Variants in SMUG1 observed in about 807,000 individuals in gnomAD.
SMUG1 encodes single-strand selective monofunctional uracil DNA glycosylase.
A neutral mutation model predicts 23.9 loss-of-function variants in SMUG1; 13 were observed. That is an observed-to-expected ratio of 0.54 (90% CI 0.35 to 0.86). SMUG1 has a LOEUF of 0.86. SMUG1 is among the 40% of genes least tolerant of loss of function. The pLI is 0.01. For synonymous variants in SMUG1, 133 were observed against 139.8 expected, an observed-to-expected ratio of 0.95 and a Z score of 0.34; for missense variants, 313 against 339.5, an observed-to-expected ratio of 0.92 and a Z score of 0.61.
At chr12:54,186,386 A>T (rs1309682798) in intron 2 of SMUG1, among the ~76,000 whole-genome samples, 2 of 150,204 alleles carry the variant, frequency 1.3e-5, no homozygotes, top group African/African-American at 4.9e-5. Context: ...TCTGTCGCCC[A>T]GACTGGAGTG....
At chr12:54,177,953 T>C (rs926888698), downstream of SMUG1, among the ~76,000 whole-genome samples, 1 of 152,210 alleles carries the variant, frequency 6.6e-6, no homozygotes, top group Non-Finnish European at 1.5e-5. Flanking sequence ...AATATGACTA[T>C]ATTGGATATA....
chr12:54,185,034 C>T (rs1173377221), intron 2 of SMUG1, among the ~76,000 whole-genome samples: 2 of 152,032 alleles, frequency 1.3e-5, no homozygotes, highest in Non-Finnish European at 2.9e-5. Flanking sequence ...GCATGCTGGG[C>T]GTGGTGGCTC....
chr12:54,166,066 T>A (rs1940451514), intron 3 of SMUG1, among the ~76,000 whole-genome samples: 1 of 152,190 alleles, frequency 6.6e-6, no homozygotes, highest in South Asian at 2.1e-4. Flanking sequence ...GTGAGGAATA[T>A]AAAAGTTGGA....
At chr12:54,162,992 T>C (rs1940321939), downstream of SMUG1, 2 of 152,234 alleles carry the variant, frequency 1.3e-5, no homozygotes, top group Admixed American at 1.3e-4. Context: ...GCTAGGAGGC[T>C]GCACAGCAGA....
In SMUG1 at chr12:54,180,727, A is replaced by G. The variant is rs1940943750; in HGVS notation, c.*1369T>C. On this transcript the variant is annotated 3_prime_UTR_variant, in exon 4 of 4. Transcript: ENST00000682136. ...AGGCAATTGGAGATCTGCTACATCC[A>G]GCCAGGCAGCAGCACTTTGGGAGGC... is the stretch of plus-strand genomic sequence containing the variant. 6.6e-6 allele frequency: 1 copy of G among 152,280 alleles called. No individual in the cohort carries two copies. Among genetic ancestry groups the G allele is most frequent in the African/African-American group, 2.4e-5 (1 of 41,456 alleles). The allele number at this position is 152,280 out of a possible 1,614,324, so 9.4% of individuals were successfully genotyped here.
At chr12:54,184,055 C>G (rs981879879) in intron 2 of SMUG1, 96 bp from the exon 3 acceptor site, 1 of 1,055,720 alleles carries the variant, frequency 9.5e-7, no homozygotes, top group Non-Finnish European at 1.3e-6. Flanking sequence ...TTCCTGGGCT[C>G]AGAAGGGACC....
chr12:54,185,525 TA>T (rs1942241870), intron 2 of SMUG1, among the ~76,000 whole-genome samples: 1 of 59,854 alleles, frequency 1.7e-5, no homozygotes, highest in Non-Finnish European at 4.0e-5. Flanking sequence ...AATAAATAAA[TA>T]AATTTGCCGG....
intron 2 of SMUG1, chr12:54,172,156 T>C (rs1188404831): frequency 2.3e-6 from 1 of 441,502 alleles, no homozygotes. Context: ...CTTGAAACCC[T>C]GCAGTGACTT....
rs186456062 is a variant in SMUG1 at position 54,169,770 on chromosome 12, G to A, written c.*52+2255C>T. Among the ~76,000 whole-genome samples the A allele has an allele frequency of 2.9e-3, 436 of 152,216 alleles. 2 individuals carry two copies. Among genetic ancestry groups the A allele is most frequent in the Admixed American group, 5.5e-3 (84 of 15,302 alleles). ...ATTCTGCATGCTGTGAGTAAAATCA[G>A]GTACTCAGTAAAATCAGGTAATAGT... On this transcript the variant is annotated intron_variant and NMD_transcript_variant, in intron 3 of 4. Coordinates refer to the SMUG1 transcript ENST00000509864.
chr12:54,160,685 GC>G (rs1278529002), downstream of SMUG1, among the ~76,000 whole-genome samples: 1 of 152,154 alleles, frequency 6.6e-6, no homozygotes, highest in Admixed American at 6.5e-5. Context: ...CCTGGCCCCT[GC>G]CCCCCAAGGC....
At chr12:54,173,457 A>G (rs1940675035) in intron 2 of SMUG1, among the ~76,000 whole-genome samples, 1 of 152,078 alleles carries the variant, frequency 6.6e-6, no homozygotes, top group Admixed American at 6.5e-5. Flanking sequence ...GGGCGGGCGC[A>G]GCAGAGCGGG....
chr12:54,182,650 G>T, intron 3 of SMUG1, 27 bp from the exon 4 acceptor site: 1 of 1,580,968 alleles, frequency 6.3e-7, no homozygotes, highest in South Asian at 1.2e-5. Flanking sequence ...AGACATGAAA[G>T]GCTTCAAACT....
downstream of SMUG1, among the ~76,000 whole-genome samples, chr12:54,178,787 C>T (rs1940813679): frequency 6.6e-6 from 1 of 152,176 alleles, no homozygotes; most frequent in Admixed American, 6.5e-5. Flanking sequence ...TAAATATTAA[C>T]TGTCAACTTG....
At chr12:54,165,878 C>A (rs567613073) in intron 3 of SMUG1, among the ~76,000 whole-genome samples, 3 of 152,282 alleles carry the variant, frequency 2.0e-5, no homozygotes, top group South Asian at 2.1e-4. Flanking sequence ...GCCTCTTCGC[C>A]TACACCAGAA....
chr12:54,160,052 G>C (rs567375419), downstream of SMUG1, among the ~76,000 whole-genome samples: 4 of 152,190 alleles, frequency 2.6e-5, no homozygotes, highest in African/African-American at 9.7e-5. Context: ...TTCTGACCCA[G>C]AGAGGGGAGC....
downstream of SMUG1, among the ~76,000 whole-genome samples, chr12:54,178,943 A>G (rs2136559026): frequency 6.6e-6 from 1 of 152,318 alleles, no homozygotes; most frequent in South Asian, 2.1e-4. Context: ...GGGCGGCTAG[A>G]AAAAGCGGGC....
At chr12:54,158,930 T>C (rs1413517741) in intron 4 of SMUG1, among the ~76,000 whole-genome samples, 1 of 152,240 alleles carries the variant, frequency 6.6e-6, no homozygotes, top group East Asian at 1.9e-4. Context: ...ATATTTAACC[T>C]GAATCTTGCC....
At chr12:54,176,515 CA>C (rs1491114006), downstream of SMUG1, among the ~76,000 whole-genome samples, 4 of 92,336 alleles carry the variant, frequency 4.3e-5, no homozygotes, top group Admixed American at 1.1e-4. Context: ...TGTCCCCCCC[CA>C]AAAAAAAAGG....
Position 54,181,348 on chromosome 12 carries a change from CA to C in SMUG1, c.*747del. 1 of 589,588 alleles carries C rather than the reference CA, an allele frequency of 1.7e-6. No homozygotes were observed. Among genetic ancestry groups the C allele is most frequent in the Non-Finnish European group, 3.0e-6 (1 of 332,446 alleles). 36.5% of individuals were successfully genotyped at this position (589,588 alleles called of 1,614,324 possible). On this transcript the variant is annotated 3_prime_UTR_variant, in exon 4 of 4. Transcript: ENST00000682136. ...AATCCTCAACCCAGAGGCAAGAAAACAAGAAGACTATGTAATGAGCACCCAC... is the reference window on the plus strand; with the variant it reads ...AATCCTCAACCCAGAGGCAAGAAAACAGAAGACTATGTAATGAGCACCCAC...
Sources: gnomAD v4.1 joint callset for allele counts (sites outside exome capture counted in the v4.1 genomes callset) on GRCh38, gnomAD v4.1.1 for gene constraint, MANE v1.5 for transcripts, NCBI Gene and HGNC (gene_info 2026-07-23, HGNC 2026-07-21) for gene names.